SHROOM3: variants seen among roughly 807,000 people sequenced by gnomAD.
The protein encoded by SHROOM3 is shroom family member 3.
In SHROOM3, 47 loss-of-function variants were observed where a neutral mutation model predicts 138.6. The observed-to-expected ratio is 0.34, with a 90% confidence interval of 0.27 to 0.43. The LOEUF (loss-of-function observed/expected upper bound fraction) is 0.43. Among genes scored for constraint, SHROOM3 ranks in the 20% least tolerant of loss-of-function variants. The pLI is 1.00. For synonymous variants in SHROOM3, 1,062 were observed against 1,063.3 expected (o/e 1.00, Z 0.02); for missense variants, 2,491 against 2,596.5 (o/e 0.96, Z 0.88).
intron 7 of SHROOM3, among the ~76,000 whole-genome samples, chr4:76,755,419 AT>A (rs1388928524): frequency 6.6e-6 from 1 of 152,156 alleles, no homozygotes; most frequent in Admixed American, 6.5e-5. Context: ...CAAGGGGCAC[AT>A]TTCACTTCTG....
chr4:76,777,112 T>G (rs1362755115), intron 10 of SHROOM3, among the ~76,000 whole-genome samples: 1 of 152,160 alleles, frequency 6.6e-6, no homozygotes, highest in African/African-American at 2.4e-5. Flanking sequence ...ATTTTAGGAT[T>G]GTTTTTTCTA....
intron 1 of SHROOM3, among the ~76,000 whole-genome samples, chr4:76,524,317 G>A (rs573512697): frequency 6.6e-6 from 1 of 152,236 alleles, no homozygotes; most frequent in South Asian, 2.1e-4. Flanking sequence ...TTGAGGCAGG[G>A]GACTGGAGAG....
At chr4:76,498,624 CCTT>C (rs1358105520) in intron 1 of SHROOM3, among the ~76,000 whole-genome samples, 3 of 151,996 alleles carry the variant, frequency 2.0e-5, no homozygotes, top group Admixed American at 2.0e-4. Flanking sequence ...AAACTGAATT[CCTT>C]CTTATCTCCC....
chr4:76,671,500 A>G (rs1381444145), intron 2 of SHROOM3, among the ~76,000 whole-genome samples: 2 of 152,126 alleles, frequency 1.3e-5, no homozygotes, highest in Non-Finnish European at 2.9e-5. Flanking sequence ...TCCTCCATCC[A>G]TACTGGCATC....
intron 1 of SHROOM3, among the ~76,000 whole-genome samples, chr4:76,488,665 C>T (rs7656186): frequency 0.43 from 66,012 of 151,974 alleles, 15,281 homozygotes; most frequent in Non-Finnish European, 0.52. Flanking sequence ...AAAAGAGAGC[C>T]TTGGGGAAAA....
intron 2 of SHROOM3, among the ~76,000 whole-genome samples, chr4:76,630,631 A>G (rs994447659): frequency 2.0e-5 from 3 of 152,192 alleles, no homozygotes; most frequent in East Asian, 3.8e-4. Context: ...TTTCCATTCA[A>G]TCAGTCACAA....
At chr4:76,462,286 C>T (rs567588390) in intron 1 of SHROOM3, among the ~76,000 whole-genome samples, 4 of 152,080 alleles carry the variant, frequency 2.6e-5, no homozygotes, top group East Asian at 3.9e-4. Flanking sequence ...GTAGGAGAAT[C>T]GCTTGAACCC....
At chr4:76,732,897 A>G (rs547073862) in intron 4 of SHROOM3, among the ~76,000 whole-genome samples, 1 of 152,294 alleles carries the variant, frequency 6.6e-6, no homozygotes, top group Non-Finnish European at 1.5e-5. Flanking sequence ...AAAATAGCAT[A>G]TGTGCAATTC....
intron 2 of SHROOM3, among the ~76,000 whole-genome samples, chr4:76,565,104 T>C (rs2110034771): frequency 7.1e-6 from 1 of 140,158 alleles, no homozygotes; most frequent in Non-Finnish European, 1.5e-5. Context: ...GAGGTTGCAG[T>C]GAGCTGAGAT....
intron 2 of SHROOM3, among the ~76,000 whole-genome samples, chr4:76,579,804 A>G (rs1237535967): frequency 1.3e-5 from 2 of 152,250 alleles, no homozygotes; most frequent in Non-Finnish European, 2.9e-5. Flanking sequence ...ATCTCCAGCC[A>G]ACTGACAAAG....
At chr4:76,760,726 T>G (rs548488879) in intron 9 of SHROOM3, among the ~76,000 whole-genome samples, 3 of 152,320 alleles carry the variant, frequency 2.0e-5, no homozygotes, top group South Asian at 4.1e-4. Context: ...CCCAAAGTTT[T>G]CCTATTTACA....
chr4:76,607,157 G>T (rs2110058466), intron 2 of SHROOM3, among the ~76,000 whole-genome samples: 1 of 152,140 alleles, frequency 6.6e-6, no homozygotes, highest in South Asian at 2.1e-4. Context: ...AAAAGCATCA[G>T]TTGCAACATC....
intron 2 of SHROOM3, chr4:76,586,320 C>A (rs1456684495): frequency 3.0e-6 from 3 of 985,608 alleles, no homozygotes; most frequent in Non-Finnish European, 3.6e-6. Context: ...CCTGCGGATC[C>A]TTCCTGGGCC....
At chr4:76,698,285 G>T (rs1719805186) in intron 2 of SHROOM3, among the ~76,000 whole-genome samples, 1 of 152,200 alleles carries the variant, frequency 6.6e-6, no homozygotes. Context: ...AAAAGTGCAT[G>T]TGAGCTTCTT....
At chr4:76,536,475 G>C (rs549538799) in intron 1 of SHROOM3, among the ~76,000 whole-genome samples, 2 of 152,232 alleles carry the variant, frequency 1.3e-5, no homozygotes, top group East Asian at 3.9e-4. Context: ...AACTAAATAG[G>C]AGGCTGGAAA....
intron 1 of SHROOM3, among the ~76,000 whole-genome samples, chr4:76,443,536 C>T (rs978448045): frequency 6.6e-5 from 10 of 152,200 alleles, no homozygotes; most frequent in African/African-American, 2.4e-4. Context: ...ACATCTTATC[C>T]AAAGGGCTGC....
intron 2 of SHROOM3, among the ~76,000 whole-genome samples, chr4:76,587,911 AT>A (rs1216217861): frequency 5.9e-5 from 9 of 152,348 alleles, no homozygotes; most frequent in African/African-American, 2.2e-4. Flanking sequence ...ACATTTTTAT[AT>A]TTCAAAAATC....
Position 76,740,292 on chromosome 4 carries a change from A to G in SHROOM3, c.2119A>G (p.Lys707Glu), listed in dbSNP as rs1367725932. ...VNTKAEDPGR[K>E]AAPDLGSHLD... is the part of the protein sequence containing the mutation. The stretch of plus-strand genomic sequence containing the variant: ...CACCAAGGCAGAAGACCCTGGGAGG[A>G]AAGCCGCTCCTGACCTCGGGAGCCA... Residue 707 changes from lysine to glutamate, a missense_variant, in exon 5 of 11, where the codon AAA (lysine) becomes GAA (glutamate). Coordinates refer to ENST00000296043, the MANE Select transcript of SHROOM3 (RefSeq NM_020859.4). This position sits in a 1 kb window ranked among gnomAD's most constrained non-coding sequence, Gnocchi z 4.0. 1 of 1,613,110 alleles carries G rather than the reference A, an allele frequency of 6.2e-7. No individual in the cohort carries two copies. Among genetic ancestry groups the G allele is most frequent in the South Asian group, 1.1e-5 (1 of 91,078 alleles).
intron 2 of SHROOM3, among the ~76,000 whole-genome samples, chr4:76,566,992 G>T (rs376341533): frequency 6.6e-5 from 10 of 152,230 alleles, no homozygotes; most frequent in Non-Finnish European, 1.3e-4. Context: ...CTAGAGGCCC[G>T]TGCCGCTGTC....
Sources: allele counts gnomAD v4.1 joint callset (sites outside exome capture counted in the v4.1 genomes callset), GRCh38; gene constraint gnomAD v4.1.1; non-coding constraint Gnocchi (gnomAD v3.1); transcripts MANE v1.5; gene names NCBI Gene and HGNC (gene_info 2026-07-23, HGNC 2026-07-21).